Variants in MACROD2 observed in about 807,000 individuals in gnomAD.
MACROD2 encodes the protein ADP-ribose glycohydrolase MACROD2.
MACROD2 carries 36 observed loss-of-function variants against 70.4 expected under a neutral mutation model. The observed-to-expected ratio is 0.51, with a 90% confidence interval of 0.39 to 0.68. MACROD2 has a LOEUF of 0.68. Among genes scored for constraint, MACROD2 ranks in the 30% least tolerant of loss-of-function variants. The pLI is 0.00. For synonymous variants in MACROD2, 172 were observed against 178.8 expected, an observed-to-expected ratio of 0.96 and a Z score of 0.30; for missense variants, 496 against 538.4, an observed-to-expected ratio of 0.92 and a Z score of 0.78.
intron 6 of MACROD2, among the ~76,000 whole-genome samples, chr20:15,329,513 G>A (rs1471959210): frequency 6.6e-6 from 1 of 151,984 alleles, no homozygotes; most frequent in Non-Finnish European, 1.5e-5. Flanking sequence ...AGAGGTGAGA[G>A]GACTGTTTGA....
At chr20:14,701,316 T>C (rs185224127) in intron 5 of MACROD2, among the ~76,000 whole-genome samples, 1 of 152,326 alleles carries the variant, frequency 6.6e-6, no homozygotes, top group East Asian at 1.9e-4. Context: ...TCCCACCTTT[T>C]CATTCTATCC....
At chr20:14,816,265 C>T (rs1247128007) in intron 5 of MACROD2, among the ~76,000 whole-genome samples, 1 of 151,958 alleles carries the variant, frequency 6.6e-6, no homozygotes, top group Admixed American at 6.6e-5. Flanking sequence ...ATTCCCACAG[C>T]CTCCATCTCC....
At chr20:14,653,041 T>A (rs1049587658) in intron 4 of MACROD2, among the ~76,000 whole-genome samples, 1 of 152,164 alleles carries the variant, frequency 6.6e-6, no homozygotes, top group African/African-American at 2.4e-5. Context: ...TTACCCTCTC[T>A]GAGCCTTAGC....
At chr20:15,533,617 G>A (rs1172783156) in intron 8 of MACROD2, among the ~76,000 whole-genome samples, 1 of 151,654 alleles carries the variant, frequency 6.6e-6, no homozygotes, top group Non-Finnish European at 1.5e-5. Context: ...TGCACTAGGT[G>A]ACTGGTACAG....
At chr20:14,957,531 A>G (rs1289043873) in intron 5 of MACROD2, among the ~76,000 whole-genome samples, 1 of 152,154 alleles carries the variant, frequency 6.6e-6, no homozygotes, top group African/African-American at 2.4e-5. Context: ...AGAGTCATAG[A>G]TGGCAAAATA....
At chr20:15,078,708 CT>C (rs11407171) in intron 5 of MACROD2, among the ~76,000 whole-genome samples, 47 of 145,930 alleles carry the variant, frequency 3.2e-4, no homozygotes, top group Non-Finnish European at 4.7e-4. Flanking sequence ...CCTTCACTTT[CT>C]TTTTTTTTTT....
intron 3 of MACROD2, among the ~76,000 whole-genome samples, chr20:14,293,673 A>G (rs1942940913): frequency 1.3e-5 from 2 of 151,774 alleles, no homozygotes; most frequent in South Asian, 2.1e-4. Context: ...TTCTTATTGC[A>G]GTGGGAAGCC....
At chr20:15,918,875 A>G (rs1445630957) in intron 10 of MACROD2, among the ~76,000 whole-genome samples, 1 of 152,102 alleles carries the variant, frequency 6.6e-6, no homozygotes, top group African/African-American at 2.4e-5. Flanking sequence ...TGCATATTAA[A>G]TGACTGATCC....
intron 6 of MACROD2, among the ~76,000 whole-genome samples, chr20:15,241,762 C>CAAA (rs200361392): frequency 1.7e-4 from 16 of 92,618 alleles, no homozygotes; most frequent in South Asian, 1.1e-3. Flanking sequence ...GTATTTCTCT[C>CAAA]AAAAAAAAAA....
chr20:14,485,159 C>T (rs1424947095), intron 3 of MACROD2, among the ~76,000 whole-genome samples: 1 of 152,020 alleles, frequency 6.6e-6, no homozygotes, highest in East Asian at 1.9e-4. Flanking sequence ...TACACACACA[C>T]ATACACAGAC....
intron 8 of MACROD2, among the ~76,000 whole-genome samples, chr20:15,789,669 G>A (rs989048015): frequency 3.9e-5 from 6 of 151,908 alleles, no homozygotes; most frequent in African/African-American, 1.4e-4. Flanking sequence ...GAATTGAAAA[G>A]TGAAAAAATA....
At chr20:15,647,138 G>C (rs2049560231) in intron 8 of MACROD2, among the ~76,000 whole-genome samples, 1 of 152,182 alleles carries the variant, frequency 6.6e-6, no homozygotes, top group Admixed American at 6.5e-5. Flanking sequence ...TGAGAATATA[G>C]GAAAAGGGAA....
chr20:15,606,824 G>A (rs1197808935), intron 8 of MACROD2, among the ~76,000 whole-genome samples: 1 of 152,070 alleles, frequency 6.6e-6, no homozygotes, highest in African/African-American at 2.4e-5. Context: ...CCAACATGGA[G>A]AAACCCCGTC....
At chr20:15,622,583 G>T (rs1018151903) in intron 8 of MACROD2, among the ~76,000 whole-genome samples, 1 of 152,160 alleles carries the variant, frequency 6.6e-6, no homozygotes, top group Non-Finnish European at 1.5e-5. Context: ...ACATCTCGGG[G>T]AGCAGGATGG....
chr20:15,639,871 GGA>G (rs1312539602), intron 8 of MACROD2, among the ~76,000 whole-genome samples: 3 of 151,834 alleles, frequency 2.0e-5, no homozygotes, highest in Non-Finnish European at 4.4e-5. Flanking sequence ...GAAAGAGAGA[GGA>G]GAGAGATGTA....
chr20:14,233,268 A>C (rs1489277645), intron 3 of MACROD2, among the ~76,000 whole-genome samples: 1 of 152,204 alleles, frequency 6.6e-6, no homozygotes, highest in Non-Finnish European at 1.5e-5. Flanking sequence ...TCCGCTTGGG[A>C]AAATGGTACC....
At chr20:15,802,838 A>G (rs550315355) in intron 8 of MACROD2, among the ~76,000 whole-genome samples, 7 of 152,240 alleles carry the variant, frequency 4.6e-5, no homozygotes, top group African/African-American at 7.2e-5. Context: ...ATGAGACGTT[A>G]CAACTGATAC....
chr20:15,173,870 G>A lies in MACROD2; in HGVS notation c.419-56070G>A, dbSNP rs566932674. Among the ~76,000 whole-genome samples the A allele has an allele frequency of 3.3e-5, 5 of 152,144 alleles. No homozygotes were observed. The South Asian group carries it at 1.0e-3, about 32-fold the overall frequency. ...AAAGTATAAGTTAATGGTATACAAT[G>A]AAATGTTGCATTGTTGACTTTATCT... is the stretch of plus-strand genomic sequence containing the variant. On this transcript the variant is annotated intron_variant, in intron 5 of 17. Coordinates refer to ENST00000684519, the MANE Select transcript of MACROD2 (RefSeq NM_001351661.2).
In MACROD2 at chr20:15,458,510, A is replaced by G. The variant is rs971876013; in HGVS notation, c.571+27075A>G. ...ACTCCAGGTATTTAACAGCCAGTTA[A>G]ATACCAACATTCTTATTGACAAATT... On this transcript the variant is annotated intron_variant, in intron 7 of 17. Transcript: ENST00000684519. Among the ~76,000 whole-genome samples the G allele has an allele frequency of 2.0e-5, 3 of 152,150 alleles. No homozygotes were observed. In the East Asian group the frequency reaches 5.8e-4, roughly 29 times the overall value.
Sources: gnomAD v4.1 joint callset for allele counts (sites outside exome capture counted in the v4.1 genomes callset) on GRCh38, gnomAD v4.1.1 for gene constraint, MANE v1.5 for transcripts, NCBI Gene and HGNC (gene_info 2026-07-23, HGNC 2026-07-21) for gene names.